Variants in FAM163A observed in about 807,000 individuals in gnomAD.
The protein encoded by FAM163A is family with sequence similarity 163 member A.
FAM163A carries 7 observed loss-of-function variants against 12.0 expected under a neutral mutation model. The ratio of observed to expected loss-of-function variants is 0.58; its 90% CI spans 0.33 to 1.10. The LOEUF is 1.10. Among genes scored for constraint, FAM163A ranks in the 50% least tolerant of loss-of-function variants. The pLI, the probability that FAM163A is intolerant of heterozygous loss-of-function variation, is 0.03. For missense variants in FAM163A, 202 were observed against 218.6 expected (o/e 0.92, Z 0.48); for synonymous variants, 101 against 91.0 (o/e 1.11, Z -0.62).
At chr1:179,811,705 C>T (rs1245726810) in intron 2 of FAM163A, among the ~76,000 whole-genome samples, 1 of 152,188 alleles carries the variant, frequency 6.6e-6, no homozygotes, top group African/African-American at 2.4e-5. Context: ...GTGAACACAC[C>T]AGGGTGCATA....
intron 1 of FAM163A, among the ~76,000 whole-genome samples, chr1:179,751,735 TA>T (rs1384766997): frequency 6.6e-6 from 1 of 152,140 alleles, no homozygotes; most frequent in East Asian, 1.9e-4. Context: ...AGAACATAGC[TA>T]CATCATACTC....
At chr1:179,796,674 T>C (rs1692368166) in intron 1 of FAM163A, among the ~76,000 whole-genome samples, 1 of 152,120 alleles carries the variant, frequency 6.6e-6, no homozygotes, top group Non-Finnish European at 1.5e-5. Context: ...CTTTCTAACA[T>C]ATAAACCCAA....
intron 3 of FAM163A, among the ~76,000 whole-genome samples, chr1:179,812,440 AC>A (rs752052691): frequency 6.6e-6 from 1 of 151,970 alleles, no homozygotes; most frequent in Admixed American, 6.5e-5. Context: ...GAAGAGAGAT[AC>A]CCCCAAAAGA....
At chr1:179,748,220 G>A (rs537162384) in intron 1 of FAM163A, among the ~76,000 whole-genome samples, 12 of 152,252 alleles carry the variant, frequency 7.9e-5, no homozygotes, top group South Asian at 2.1e-4. Context: ...CTCTGACTCC[G>A]TTTCCACTTC....
intron 1 of FAM163A, among the ~76,000 whole-genome samples, chr1:179,781,809 CTG>C (rs1308239368): frequency 6.6e-6 from 1 of 151,964 alleles, no homozygotes; most frequent in Non-Finnish European, 1.5e-5. Flanking sequence ...TGGCGGGTGA[CTG>C]TAATCCCAGC....
chr1:179,749,072 T>G (rs1211195917), intron 1 of FAM163A, among the ~76,000 whole-genome samples: 1 of 152,214 alleles, frequency 6.6e-6, no homozygotes, highest in Admixed American at 6.5e-5. Flanking sequence ...TGTGACTATT[T>G]CAGTGGGAAG....
chr1:179,800,627 TC>T (rs778630496), intron 1 of FAM163A, among the ~76,000 whole-genome samples: 1 of 152,176 alleles, frequency 6.6e-6, no homozygotes, highest in Non-Finnish European at 1.5e-5. Context: ...CCGCGTCCCC[TC>T]CTGTGAGCTC....
upstream of FAM163A, among the ~76,000 whole-genome samples, chr1:179,738,695 TAGA>T (rs1444802093): frequency 6.6e-6 from 1 of 152,108 alleles, no homozygotes; most frequent in African/African-American, 2.4e-5. Flanking sequence ...AAAATACAAA[TAGA>T]AGGCAAATTA....
chr1:179,813,061 C>A lies in FAM163A; in HGVS notation c.-22-15C>A. ...CAGCCACAGCTGGTCCTCAGCCCTC[C>A]GCACATCTTTGCAGAGTTTGATGGG... On this transcript the variant is annotated splice_polypyrimidine_tract_variant and intron_variant, in intron 3 of 4. Transcript: ENST00000341785. 1 of 1,549,766 alleles carries A rather than the reference C, an allele frequency of 6.5e-7. No individual in the cohort carries two copies.
At chr1:179,806,006 A>G (rs1326416784) in intron 1 of FAM163A, among the ~76,000 whole-genome samples, 2 of 152,114 alleles carry the variant, frequency 1.3e-5, no homozygotes, top group Admixed American at 6.5e-5. Context: ...ACACTTACAC[A>G]ATATTGACTC....
At chr1:179,749,161 C>T (rs946186711) in intron 1 of FAM163A, among the ~76,000 whole-genome samples, 2 of 152,196 alleles carry the variant, frequency 1.3e-5, no homozygotes, top group African/African-American at 4.8e-5. Flanking sequence ...TGTTTATTCT[C>T]TCATTCATCT....
intron 1 of FAM163A, among the ~76,000 whole-genome samples, chr1:179,772,428 A>G (rs1461096133): frequency 6.6e-6 from 1 of 152,146 alleles, no homozygotes; most frequent in Non-Finnish European, 1.5e-5. Context: ...TGCCGAGTCC[A>G]TTTAAAGTTC....
chr1:179,757,710 G>A (rs898445258), intron 1 of FAM163A, among the ~76,000 whole-genome samples: 2 of 152,220 alleles, frequency 1.3e-5, no homozygotes, highest in Admixed American at 6.5e-5. Context: ...TACTCAGGAG[G>A]CTGAGGCAGG....
At chr1:179,811,788 T>G (rs1362600892) in intron 2 of FAM163A, among the ~76,000 whole-genome samples, 1 of 152,192 alleles carries the variant, frequency 6.6e-6, no homozygotes, top group East Asian at 1.9e-4. Flanking sequence ...TGCAAAGCCC[T>G]TCGGGACAGC....
chr1:179,749,957 T>G (rs371831451), intron 1 of FAM163A, among the ~76,000 whole-genome samples: 1 of 152,192 alleles, frequency 6.6e-6, no homozygotes, highest in Admixed American at 6.5e-5. Flanking sequence ...AAGCTTTACA[T>G]TGAGAATATT....
chr1:179,800,517 C>T (rs551033186), intron 1 of FAM163A, among the ~76,000 whole-genome samples: 1 of 152,314 alleles, frequency 6.6e-6, no homozygotes, highest in South Asian at 2.1e-4. Flanking sequence ...CATGTTAGAC[C>T]ATGGTGGTCT....
chr1:179,768,351 G>A (rs565493677), intron 1 of FAM163A, among the ~76,000 whole-genome samples: 3 of 152,288 alleles, frequency 2.0e-5, no homozygotes, highest in South Asian at 2.1e-4. Flanking sequence ...CAGCCAATAA[G>A]TGTGGCAATA....
intron 1 of FAM163A, among the ~76,000 whole-genome samples, chr1:179,744,345 G>T (rs1684134389): frequency 6.6e-6 from 1 of 152,054 alleles, no homozygotes; most frequent in African/African-American, 2.4e-5. Context: ...CAAGCAGAGA[G>T]CAGAGCGGGC....
At chr1:179,806,102 C>T (rs925197636) in intron 1 of FAM163A, among the ~76,000 whole-genome samples, 2 of 152,224 alleles carry the variant, frequency 1.3e-5, no homozygotes, top group Admixed American at 1.3e-4. Flanking sequence ...AGCAAACCTT[C>T]ACCAAGTTAT....
Sources: allele counts gnomAD v4.1 joint callset (sites outside exome capture counted in the v4.1 genomes callset), GRCh38; gene constraint gnomAD v4.1.1; transcripts MANE v1.5; gene names NCBI Gene and HGNC (gene_info 2026-07-23, HGNC 2026-07-21).